Variants in RBM34 observed in about 807,000 individuals in gnomAD.
RBM34 encodes the protein RNA-binding protein 34.
Under a neutral mutation model 44.6 loss-of-function variants are expected in RBM34, and 39 were observed. The ratio of observed to expected loss-of-function variants is 0.87; its 90% confidence interval spans 0.68 to 1.14. The LOEUF is 1.14. RBM34 is among the 50% of genes most tolerant of loss of function. RBM34 has a pLI of 0.00. For synonymous variants in RBM34, 194 were observed against 184.0 expected (o/e 1.05, Z -0.44); for missense variants, 572 against 517.9 (o/e 1.10, Z -1.01).
chr1:235,148,492 T>C (rs938920523), intron 5 of RBM34, 45 bp from the exon 6 acceptor site: 26 of 1,401,610 alleles, frequency 1.9e-5, no homozygotes, highest in Non-Finnish European at 2.2e-5. Flanking sequence ...ATTTGAAGTA[T>C]TACCTCAAAT....
chr1:235,135,793 T>C (rs370911862), intron 9 of RBM34, 23 bp from the exon 10 acceptor site: 19 of 1,591,376 alleles, frequency 1.2e-5, no homozygotes, highest in East Asian at 6.7e-5. Context: ...TCAATCAAAA[T>C]GGAAGTAAAG....
intron 3 of RBM34, among the ~76,000 whole-genome samples, chr1:235,157,985 A>T (rs1662522997): frequency 6.6e-6 from 1 of 152,216 alleles, no homozygotes; most frequent in Admixed American, 6.5e-5. Context: ...TACTTTTCTT[A>T]AAAGCTAGAC....
chr1:235,136,746 G>C (rs893632738), intron 8 of RBM34, among the ~76,000 whole-genome samples: 1 of 152,182 alleles, frequency 6.6e-6, no homozygotes, highest in Non-Finnish European at 1.5e-5. Flanking sequence ...TTTTAGAATA[G>C]CTCCTGAACA....
At chr1:235,151,964 C>A (rs545013102) in intron 5 of RBM34, among the ~76,000 whole-genome samples, 3 of 151,954 alleles carry the variant, frequency 2.0e-5, no homozygotes, top group South Asian at 2.1e-4. Flanking sequence ...ACCCAGGAGG[C>A]GAAGGGTGCA....
intron 3 of RBM34, among the ~76,000 whole-genome samples, chr1:235,155,342 CTCTT>C (rs1413306148): frequency 2.6e-5 from 4 of 151,586 alleles, no homozygotes; most frequent in Non-Finnish European, 5.9e-5. Flanking sequence ...AAAAGTTAAG[CTCTT>C]TTTTTTTTTC....
intron 6 of RBM34, among the ~76,000 whole-genome samples, chr1:235,143,063 T>C (rs142371271): frequency 0.011 from 1,722 of 152,044 alleles, 28 homozygotes; most frequent in African/African-American, 0.036. Context: ...ATAAAAATAA[T>C]TTAAAAGTCA....
At chr1:235,158,110 A>G (rs1286021169) in intron 3 of RBM34, among the ~76,000 whole-genome samples, 5 of 151,984 alleles carry the variant, frequency 3.3e-5, no homozygotes, top group Admixed American at 2.6e-4. Context: ...GAGCACGTCT[A>G]TATTAGCAGA....
chr1:235,154,822 T>C, intron 4 of RBM34, 59 bp downstream of exon 4: 6 of 1,344,502 alleles, frequency 4.5e-6, no homozygotes, highest in Non-Finnish European at 5.3e-6. Flanking sequence ...GAATGCTTAT[T>C]CAACACAGGA....
intron 3 of RBM34, among the ~76,000 whole-genome samples, chr1:235,157,718 T>A (rs900545446): frequency 6.6e-6 from 1 of 152,024 alleles, no homozygotes; most frequent in Admixed American, 6.6e-5. Flanking sequence ...TAAGAAAGAA[T>A]TGGCAAGAGG....
At chr1:235,133,392 G>C (rs533972047) in intron 10 of RBM34, among the ~76,000 whole-genome samples, 3 of 152,144 alleles carry the variant, frequency 2.0e-5, no homozygotes, top group Non-Finnish European at 4.4e-5. Context: ...GGGAAAAACA[G>C]AGAATTCTAC....
At chr1:235,147,706 G>A (rs990511672) in intron 6 of RBM34, among the ~76,000 whole-genome samples, 1 of 152,132 alleles carries the variant, frequency 6.6e-6, no homozygotes, top group Non-Finnish European at 1.5e-5. Context: ...ACAAAAGCTT[G>A]ATAGAACAGG....
At chr1:235,153,519 G>C (rs1662258550) in intron 4 of RBM34, among the ~76,000 whole-genome samples, 1 of 151,718 alleles carries the variant, frequency 6.6e-6, no homozygotes, top group Admixed American at 6.6e-5. Context: ...CCCCCTCCTG[G>C]GTTCAAGCAA....
In RBM34 at chr1:235,152,689, G is replaced by T. The variant is rs193110095; in HGVS notation, c.657+17C>A. 1.3e-6 allele frequency: 2 copies of T among 1,593,324 alleles called. No individual in the cohort carries two copies. The highest frequency in any genetic ancestry group is 1.7e-6 in the Non-Finnish European group (2 of 1,169,858). Reference sequence around the variant, plus strand: ...AAATTTTAATATTATGTAATTTTACGGGGGAATGAAACATACCAGAGAACG... The same window carrying T: ...AAATTTTAATATTATGTAATTTTACTGGGGAATGAAACATACCAGAGAACG... On this transcript the variant is annotated intron_variant, in intron 5 of 10. Transcript: ENST00000408888.
chr1:235,142,426 A>ACGC (rs931891719), intron 6 of RBM34, among the ~76,000 whole-genome samples: 1 of 151,882 alleles, frequency 6.6e-6, no homozygotes, highest in African/African-American at 2.4e-5. Context: ...TTACAGGCGC[A>ACGC]CGCCACCACT....
At chr1:235,150,298 C>A (rs1173458927) in intron 5 of RBM34, among the ~76,000 whole-genome samples, 6 of 152,188 alleles carry the variant, frequency 3.9e-5, no homozygotes, top group African/African-American at 1.4e-4. Flanking sequence ...TGGTCTCGAA[C>A]TTCTGAACTC....
intron 9 of RBM34, 51 bp downstream of exon 9, chr1:235,135,979 ATTTC>A (rs1259444907): frequency 7.3e-5 from 104 of 1,420,060 alleles, no homozygotes; most frequent in Admixed American, 1.4e-4. Context: ...CTCAGTTCTT[ATTTC>A]CTTGTTATTT....
intron 6 of RBM34, among the ~76,000 whole-genome samples, chr1:235,142,706 T>C (rs993659776): frequency 6.6e-6 from 1 of 150,850 alleles, no homozygotes; most frequent in Admixed American, 6.6e-5. Flanking sequence ...GGTGGGTGGA[T>C]CATCTGAGGT....
intron 3 of RBM34, among the ~76,000 whole-genome samples, chr1:235,155,955 C>T (rs1170316719): frequency 1.4e-5 from 2 of 146,864 alleles, no homozygotes; most frequent in Admixed American, 6.8e-5. Context: ...CTGCAACCTC[C>T]GCCTCTCTGG....
At chr1:235,155,412 G>A (rs1315175881) in intron 3 of RBM34, among the ~76,000 whole-genome samples, 1 of 150,942 alleles carries the variant, frequency 6.6e-6, no homozygotes, top group Admixed American at 6.6e-5. Flanking sequence ...CGTAATCACA[G>A]CTCACTGCAG....
Sources: allele counts gnomAD v4.1 joint callset (sites outside exome capture counted in the v4.1 genomes callset), GRCh38; gene constraint gnomAD v4.1.1; transcripts MANE v1.5; gene names NCBI Gene and HGNC (gene_info 2026-07-23, HGNC 2026-07-21).